GAD2: variants seen among roughly 807,000 people sequenced by gnomAD.
GAD2 encodes the protein glutamate decarboxylase 2.
GAD2 carries 22 observed loss-of-function variants against 80.1 expected under a neutral mutation model. The observed-to-expected ratio is 0.27, with a 90% CI of 0.20 to 0.39. The LOEUF is 0.39. GAD2 is among the 10% of genes least tolerant of loss of function. The pLI, the probability that GAD2 is intolerant of heterozygous loss-of-function variation, is 1.00. For synonymous variants in GAD2, 274 were observed against 256.9 expected (o/e 1.07, Z -0.64); for missense variants, 624 against 738.4 (o/e 0.85, Z 1.80).
At chr10:26,272,481 A>G (rs917880545) in intron 10 of GAD2, among the ~76,000 whole-genome samples, 1 of 152,206 alleles carries the variant, frequency 6.6e-6, no homozygotes, top group African/African-American at 2.4e-5. Flanking sequence ...TTTACCACTT[A>G]CTCTTATTAG....
chr10:26,301,863 G>A lies in GAD2; in HGVS notation c.*902G>A, dbSNP rs1033977698. On this transcript the variant is annotated 3_prime_UTR_variant, in exon 16 of 16. Coordinates refer to ENST00000376261, the MANE Select transcript of GAD2 (RefSeq NM_001134366.2). Reference sequence around the variant, plus strand: ...CCAGGCTTCATCTCAGATTAAATTAGGGTAATTGTCTCTATTCTGCTTTCC... The same window carrying A: ...CCAGGCTTCATCTCAGATTAAATTAAGGTAATTGTCTCTATTCTGCTTTCC... 6.6e-6 allele frequency: 1 copy of A among 152,178 alleles called. No individual in the cohort carries two copies. The highest frequency in any genetic ancestry group is 2.4e-5 in the African/African-American group (1 of 41,440). 9.4% of individuals were successfully genotyped at this position (152,178 alleles called of 1,614,324 possible). A position where few individuals can be genotyped will look rare whatever the true frequency, so the allele number is the denominator to read the frequency against.
chr10:26,260,300 G>T (rs2132298170), intron 8 of GAD2, among the ~76,000 whole-genome samples: 1 of 152,006 alleles, frequency 6.6e-6, no homozygotes, highest in African/African-American at 2.4e-5. Flanking sequence ...CATTATTGCG[G>T]GTAAATATTT....
At chr10:26,221,584 G>T (rs1251993321) in intron 4 of GAD2, among the ~76,000 whole-genome samples, 1 of 152,152 alleles carries the variant, frequency 6.6e-6, no homozygotes, top group African/African-American at 2.4e-5. Context: ...CAGCCCTAGT[G>T]TGAGTGTTGC....
intron 15 of GAD2, among the ~76,000 whole-genome samples, chr10:26,295,718 A>G (rs141271032): frequency 1.3e-5 from 2 of 152,294 alleles, no homozygotes; most frequent in South Asian, 2.1e-4. Context: ...CTTGTGCCCA[A>G]TGGCTGTTTT....
At chr10:26,242,718 T>C (rs534583297) in intron 7 of GAD2, among the ~76,000 whole-genome samples, 26 of 152,348 alleles carry the variant, frequency 1.7e-4, no homozygotes, top group African/African-American at 6.0e-4. Context: ...TGTGTTTTTC[T>C]TTAAATCTGC....
At chr10:26,267,717 G>A (rs1453532704) in intron 8 of GAD2, among the ~76,000 whole-genome samples, 2 of 151,370 alleles carry the variant, frequency 1.3e-5, no homozygotes, top group Admixed American at 6.6e-5. Context: ...ATGCTTTGAG[G>A]TTTCATGTCT....
Position 26,275,139 on chromosome 10 carries a change from CAATA to C in GAD2, c.1157+1442_1157+1445del, listed in dbSNP as rs376044608. Among the ~76,000 whole-genome samples, 14 of 152,258 alleles carry C rather than the reference CAATA, an allele frequency of 9.2e-5. No individual in the cohort carries two copies. In the East Asian group the frequency reaches 1.3e-3, roughly 15 times the overall value. On this transcript the variant is annotated intron_variant, in intron 11 of 15. Coordinates refer to ENST00000376261, the MANE Select transcript of GAD2 (RefSeq NM_001134366.2). ...AGGCAATGAAGTAAACAGGGAGAGACAATAAAAGAGAGAGAGAGAACAACTTGGA... is the reference window on the plus strand; with the variant it reads ...AGGCAATGAAGTAAACAGGGAGAGACAAAGAGAGAGAGAGAACAACTTGGA...
At chr10:26,288,086 A>G (rs1422518067) in intron 13 of GAD2, among the ~76,000 whole-genome samples, 1 of 152,198 alleles carries the variant, frequency 6.6e-6, no homozygotes, top group Non-Finnish European at 1.5e-5. Context: ...AGCAGTTTAG[A>G]TGATGGGATT....
At chr10:26,289,228 G>C (rs2132317934) in intron 13 of GAD2, among the ~76,000 whole-genome samples, 1 of 152,118 alleles carries the variant, frequency 6.6e-6, no homozygotes, top group East Asian at 1.9e-4. Context: ...CTTCCCGCAA[G>C]AAGAGCCATG....
At chr10:26,239,082 A>G (rs187931366) in intron 7 of GAD2, among the ~76,000 whole-genome samples, 74 of 152,282 alleles carry the variant, frequency 4.9e-4, no homozygotes, top group African/African-American at 1.7e-3. Flanking sequence ...AGGACAATAT[A>G]TAATGATCCC....
chr10:26,235,797 C>T (rs1274959000), intron 7 of GAD2, among the ~76,000 whole-genome samples: 1 of 152,224 alleles, frequency 6.6e-6, no homozygotes, highest in Non-Finnish European at 1.5e-5. Context: ...CAATAATTCA[C>T]ATCTCAAGCT....
intron 15 of GAD2, among the ~76,000 whole-genome samples, chr10:26,293,627 G>T (rs1439470472): frequency 6.6e-6 from 1 of 152,222 alleles, no homozygotes; most frequent in Non-Finnish European, 1.5e-5. Context: ...TGAAACTGGT[G>T]CTCAGTTACA....
At chr10:26,254,595 T>C (rs1844922493) in intron 8 of GAD2, among the ~76,000 whole-genome samples, 1 of 152,222 alleles carries the variant, frequency 6.6e-6, no homozygotes, top group Non-Finnish European at 1.5e-5. Flanking sequence ...GGTCAGAATG[T>C]CCTTGTCATG....
intron 13 of GAD2, among the ~76,000 whole-genome samples, chr10:26,286,709 C>T (rs1488891672): frequency 6.6e-6 from 1 of 152,160 alleles, no homozygotes; most frequent in Non-Finnish European, 1.5e-5. Flanking sequence ...GATTCAAATG[C>T]TCACTCATCT....
chr10:26,270,051 T>C (rs1214021984), intron 9 of GAD2, among the ~76,000 whole-genome samples: 1 of 152,216 alleles, frequency 6.6e-6, no homozygotes, highest in Non-Finnish European at 1.5e-5. Context: ...TCTCCTGCCT[T>C]CTTCCAGCCC....
In GAD2 at chr10:26,245,943, G is replaced by C. The variant is rs768167687; in HGVS notation, c.863G>C (p.Gly288Ala). 2 of 1,613,914 alleles carry C rather than the reference G, an allele frequency of 1.2e-6. No individual in the cohort carries two copies. Among genetic ancestry groups the C allele is most frequent in the Non-Finnish European group, 1.7e-6 (2 of 1,179,834 alleles). Residue 288 changes from glycine (G) to alanine (A), a missense_variant, in exon 8 of 16, where the codon GGA (glycine) becomes GCA (alanine). Physicochemically the swap from Gly to Ala is moderately conservative, Grantham distance 60 (BLOSUM62 0). Coordinates refer to ENST00000376261, the MANE Select transcript of GAD2 (RefSeq NM_001134366.2). ...SEHSHFSLKKGAAALGIGTDS... is the reference protein window; with the variant it reads ...SEHSHFSLKKAAAALGIGTDS... ...CAGAGTCATTTTTCTCTCAAGAAGG[G>C]AGCTGCAGCCTTAGGGATTGGAACA...
At chr10:26,216,717 C>A, upstream of GAD2, 1 of 1,078,258 alleles carries the variant, frequency 9.3e-7, no homozygotes, top group Non-Finnish European at 1.3e-6. This position sits in a 1 kb window ranked among gnomAD's most constrained non-coding sequence, Gnocchi z 4.7. Context: ...CCTCCTCCCG[C>A]CACACGGGCA....
chr10:26,266,512 A>G (rs1174947937), intron 8 of GAD2, among the ~76,000 whole-genome samples: 1 of 152,238 alleles, frequency 6.6e-6, no homozygotes, highest in Non-Finnish European at 1.5e-5. Flanking sequence ...TTTCCCTTCT[A>G]GCCATATTCC....
intron 11 of GAD2, among the ~76,000 whole-genome samples, chr10:26,278,228 C>T (rs1246672088): frequency 1.3e-5 from 2 of 152,204 alleles, no homozygotes; most frequent in African/African-American, 4.8e-5. Context: ...ATCAGGCATT[C>T]TTACTGACAA....
Sources: gnomAD v4.1 joint callset for allele counts (sites outside exome capture counted in the v4.1 genomes callset) on GRCh38, gnomAD v4.1.1 for gene constraint, Gnocchi (gnomAD v3.1) non-coding constraint, MANE v1.5 for transcripts, NCBI Gene and HGNC (gene_info 2026-07-23, HGNC 2026-07-21) for gene names.